The following MGST1 variants were observed in gnomAD, a reference collection of about 807,000 sequenced individuals.
MGST1 encodes microsomal glutathione S-transferase 1.
In MGST1, 5 loss-of-function variants were observed where a neutral mutation model predicts 8.9. The ratio of observed to expected loss-of-function variants is 0.56; its 90% CI spans 0.29 to 1.19. The LOEUF is 1.19. Ranked by LOEUF, MGST1 falls within the 50% of genes most tolerant of loss-of-function variation. The pLI is 0.08. For missense variants in MGST1, 182 were observed against 187.4 expected (o/e 0.97, Z 0.17); for synonymous variants, 54 against 67.8 (o/e 0.80, Z 1.00).
At chr12:16,526,390 C>T (rs894624631) in intron 4 of MGST1, among the ~76,000 whole-genome samples, 4 of 151,970 alleles carry the variant, frequency 2.6e-5, no homozygotes, top group African/African-American at 9.7e-5. Context: ...GTTCTTCCTA[C>T]TCTACCTTCC....
chr12:16,421,728 C>A (rs1940837485), intron 1 of MGST1, among the ~76,000 whole-genome samples: 1 of 152,092 alleles, frequency 6.6e-6, no homozygotes, highest in African/African-American at 2.4e-5. Context: ...GTCTCTTGAT[C>A]TGGAGCAATT....
At chr12:16,433,813 G>A (rs1472724252) in intron 1 of MGST1, among the ~76,000 whole-genome samples, 1 of 152,010 alleles carries the variant, frequency 6.6e-6, no homozygotes, top group African/African-American at 2.4e-5. Flanking sequence ...AAGGCGTTCA[G>A]TTAGTTTTAA....
chr12:16,445,397 T>C (rs1941071941), intron 4 of MGST1, among the ~76,000 whole-genome samples: 1 of 151,916 alleles, frequency 6.6e-6, no homozygotes, highest in Non-Finnish European at 1.5e-5. Context: ...CCAGGTCTCA[T>C]GTGCTTTACC....
In MGST1 at chr12:16,546,853, C is replaced by CA. The variant is rs150254598; in HGVS notation, n.483-42668dup. On this transcript the variant is annotated intron_variant and non_coding_transcript_variant, in intron 4 of 4. Transcript: ENST00000538857. The surrounding 1 kb of genome is among the most constrained non-coding windows in gnomAD (Gnocchi z 4.7). ...CCACCCCAACCAAGCCTGCCAAAAG[C>CA]AAAAAAATGTCATTTTGTGGTACCA... Among the ~76,000 whole-genome samples, 6,196 of 151,508 alleles carry CA rather than the reference C, an allele frequency of 0.041. 163 individuals carry two copies. The highest frequency in any genetic ancestry group is 0.065 in the Non-Finnish European group (4,399 of 67,794).
intron 4 of MGST1, chr12:16,549,730 T>G (rs1482265715): frequency 6.6e-6 from 1 of 152,104 alleles, no homozygotes; most frequent in African/African-American, 2.4e-5. Flanking sequence ...TGAAAAGTAG[T>G]TCTATTACAG....
downstream of MGST1, among the ~76,000 whole-genome samples, chr12:16,366,621 CTG>C (rs67408227): frequency 0.59 from 87,696 of 147,604 alleles, 26,101 homozygotes; most frequent in East Asian, 0.96. The surrounding 1 kb of genome is among the most constrained non-coding windows in gnomAD (Gnocchi z 4.0). Flanking sequence ...GCATGCATAT[CTG>C]TGTGTACACA....
chr12:16,512,667 A>C (rs1941584505), intron 4 of MGST1, among the ~76,000 whole-genome samples: 1 of 152,256 alleles, frequency 6.6e-6, no homozygotes, highest in South Asian at 2.1e-4. Context: ...AATCTGTTCA[A>C]GTCAGGTCCC....
At position 16,362,993 on chromosome 12, in the gene MGST1, G is replaced by A. The variant is rs905626995; in HGVS notation, c.222-802G>A. On this transcript the variant is annotated intron_variant, in intron 3 of 3. Transcript: ENST00000396210. The surrounding 1 kb of genome is among the most constrained non-coding windows in gnomAD (Gnocchi z 4.4). ...AAAATGTCAAGTCCATAGTAGATGT[G>A]TTTTGTATTCGGTCTTAGCCAGAGA... The A allele has an allele frequency of 7.9e-5, 12 of 152,260 alleles. No individual in the cohort carries two copies. The highest frequency in any genetic ancestry group is 2.6e-4 in the African/African-American group (11 of 41,560). The allele number at this position is 152,260 out of a possible 1,614,324, so 9.4% of individuals were successfully genotyped here.
chr12:16,533,683 C>T (rs1941736858), intron 4 of MGST1, among the ~76,000 whole-genome samples: 1 of 150,976 alleles, frequency 6.6e-6, no homozygotes, highest in South Asian at 2.1e-4. Context: ...TGTTATAGAT[C>T]CTAGAGGACT....
At chr12:16,419,639 T>C (rs939824941) in intron 1 of MGST1, among the ~76,000 whole-genome samples, 1 of 152,156 alleles carries the variant, frequency 6.6e-6, no homozygotes, top group Admixed American at 6.6e-5. Flanking sequence ...GGCAAAACAA[T>C]TGAGATACTT....
intron 1 of MGST1, among the ~76,000 whole-genome samples, chr12:16,409,873 C>A (rs1176937928): frequency 6.6e-6 from 1 of 152,100 alleles, no homozygotes; most frequent in Non-Finnish European, 1.5e-5. Flanking sequence ...ACCCATTTAA[C>A]CTCATCTAAG....
At chr12:16,399,785 G>T (rs1205553609) in intron 1 of MGST1, 2 of 1,186,928 alleles carry the variant, frequency 1.7e-6, no homozygotes, top group Non-Finnish European at 2.5e-6. Context: ...ACCATTCCTT[G>T]ATGGGTCAAG....
chr12:16,392,137 T>C (rs1294076091), intron 1 of MGST1, among the ~76,000 whole-genome samples: 3 of 152,210 alleles, frequency 2.0e-5, no homozygotes, highest in African/African-American at 7.2e-5. Context: ...GCTGTTTTGA[T>C]TACTGTAGCC....
chr12:16,401,411 G>T lies in MGST1; in HGVS notation n.778+17807G>T. On this transcript the variant is annotated intron_variant and non_coding_transcript_variant, in intron 1 of 1. Coordinates refer to the MGST1 transcript ENST00000359720. This position sits in a 1 kb window ranked among gnomAD's most constrained non-coding sequence, Gnocchi z 4.3. ...CTGGTAATTTTGTTCAGGAGTTCTGGCTTCTGCTTTTTAGCCACGTCCATG... is the reference window on the plus strand; with the variant it reads ...CTGGTAATTTTGTTCAGGAGTTCTGTCTTCTGCTTTTTAGCCACGTCCATG... 1.0e-6 allele frequency: 1 copy of T among 981,288 alleles called. No homozygotes were observed. The highest frequency in any genetic ancestry group is 1.3e-5 in the South Asian group (1 of 78,092). 60.8% of individuals were successfully genotyped at this position (981,288 alleles called of 1,614,324 possible). A position where few individuals can be genotyped will look rare whatever the true frequency, so the allele number is the denominator to read the frequency against.
chr12:16,524,132 T>C (rs775698783), intron 4 of MGST1, among the ~76,000 whole-genome samples: 1 of 152,218 alleles, frequency 6.6e-6, no homozygotes, highest in East Asian at 1.9e-4. Context: ...GTTTGTGTTT[T>C]ATTAGCTGGT....
chr12:16,472,672 A>G lies in MGST1; in HGVS notation n.482+89068A>G, dbSNP rs144395430. Among the ~76,000 whole-genome samples, 120 of 152,318 alleles carry G rather than the reference A, an allele frequency of 7.9e-4. 2 individuals carry two copies. In the East Asian group the frequency reaches 0.021, roughly 27 times the overall value. ...CTTTTCAGTATTTGTTTTTATGTAT[A>G]TTGAGCAATAATACAATCATACATG... On this transcript the variant is annotated intron_variant and non_coding_transcript_variant, in intron 4 of 4. Coordinates refer to the MGST1 transcript ENST00000538857.
intron 4 of MGST1, among the ~76,000 whole-genome samples, chr12:16,506,019 CTTAATT>C (rs1941536043): frequency 6.6e-6 from 1 of 152,142 alleles, no homozygotes; most frequent in African/African-American, 2.4e-5. Flanking sequence ...AGTAAAATCT[CTTAATT>C]TTAAATGATT....
chr12:16,405,837 A>G (rs570319820), intron 1 of MGST1, among the ~76,000 whole-genome samples: 22 of 152,218 alleles, frequency 1.4e-4, no homozygotes, highest in Admixed American at 2.6e-4. Flanking sequence ...ATAGACATAG[A>G]AAAGGCTTTT....
chr12:16,353,244 A>G (rs189539735), intron 1 of MGST1, among the ~76,000 whole-genome samples: 1 of 152,200 alleles, frequency 6.6e-6, no homozygotes, highest in Non-Finnish European at 1.5e-5. Flanking sequence ...TGTGTCAGCC[A>G]GGATGGACTT....
Sources: gnomAD v4.1 joint callset for allele counts (sites outside exome capture counted in the v4.1 genomes callset) on GRCh38, gnomAD v4.1.1 for gene constraint, Gnocchi (gnomAD v3.1) non-coding constraint, MANE v1.5 for transcripts, NCBI Gene and HGNC (gene_info 2026-07-23, HGNC 2026-07-21) for gene names.